The following CYYR1 variants were observed in gnomAD, a reference collection of about 807,000 sequenced individuals.
CYYR1 encodes the protein cysteine and tyrosine-rich protein 1.
A neutral mutation model predicts 15.2 loss-of-function variants in CYYR1; 14 were observed. The observed-to-expected ratio is 0.92, with a 90% confidence interval of 0.61 to 1.44. The LOEUF is 1.44. CYYR1 is among the 40% of genes most tolerant of loss of function. CYYR1 has a pLI of 0.00. For synonymous variants in CYYR1, 80 were observed against 77.4 expected (o/e 1.03, Z -0.18); for missense variants, 228 against 209.5 (o/e 1.09, Z -0.54).
At chr21:26,540,091 C>T (rs1231583623) in intron 2 of CYYR1, among the ~76,000 whole-genome samples, 5 of 152,116 alleles carry the variant, frequency 3.3e-5, no homozygotes, top group African/African-American at 7.2e-5. Context: ...TCAGCATTTT[C>T]GTTTAAGACA....
chr21:26,525,005 T>C (rs1052094485), intron 2 of CYYR1, among the ~76,000 whole-genome samples: 1 of 152,008 alleles, frequency 6.6e-6, no homozygotes, highest in Non-Finnish European at 1.5e-5. Flanking sequence ...GGAATGGGAG[T>C]TGTAGAACAT....
intron 2 of CYYR1, chr21:26,564,779 T>G (rs1320768252): frequency 2.4e-6 from 3 of 1,244,742 alleles, no homozygotes; most frequent in Admixed American, 4.7e-5. Flanking sequence ...CAGTTTGACT[T>G]CACATTCTCC....
chr21:26,559,171 GTAT>G (rs1980021207), intron 2 of CYYR1, among the ~76,000 whole-genome samples: 1 of 152,096 alleles, frequency 6.6e-6, no homozygotes, highest in African/African-American at 2.4e-5. Context: ...GTATGAGACG[GTAT>G]TTCAATGTTT....
chr21:26,561,379 G>C (rs1980187781), intron 2 of CYYR1, among the ~76,000 whole-genome samples: 1 of 151,130 alleles, frequency 6.6e-6, no homozygotes, highest in South Asian at 2.1e-4. Context: ...TGTTTGAATA[G>C]CCTTACCTGA....
At chr21:26,514,510 A>T (rs2065694513) in intron 2 of CYYR1, among the ~76,000 whole-genome samples, 1 of 152,190 alleles carries the variant, frequency 6.6e-6, no homozygotes, top group African/African-American at 2.4e-5. Context: ...TCAGAAGCAG[A>T]TGCTGCTGTC....
At chr21:26,489,685 G>A (rs1331870433) in intron 2 of CYYR1, among the ~76,000 whole-genome samples, 1 of 152,040 alleles carries the variant, frequency 6.6e-6, no homozygotes, top group Non-Finnish European at 1.5e-5. Flanking sequence ...CATACTATAT[G>A]TCAAAATCTA....
intron 2 of CYYR1, among the ~76,000 whole-genome samples, chr21:26,553,206 G>C (rs1445650040): frequency 6.6e-6 from 1 of 152,090 alleles, no homozygotes. Context: ...AGAAAATGAA[G>C]TCATTCAAAT....
chr21:26,529,056 C>G (rs1004454517), intron 2 of CYYR1, among the ~76,000 whole-genome samples: 1 of 152,180 alleles, frequency 6.6e-6, no homozygotes, highest in Middle Eastern at 3.2e-3. Flanking sequence ...TGTGATGACT[C>G]TTACACTGAT....
chr21:26,544,042 A>T (rs1978774414), intron 2 of CYYR1, among the ~76,000 whole-genome samples: 1 of 152,232 alleles, frequency 6.6e-6, no homozygotes, highest in Non-Finnish European at 1.5e-5. Flanking sequence ...GATAAGGGAG[A>T]TTGGACATTA....
chr21:26,555,877 T>C (rs1049796224), intron 2 of CYYR1, among the ~76,000 whole-genome samples: 6 of 152,110 alleles, frequency 3.9e-5, no homozygotes, highest in African/African-American at 1.4e-4. Flanking sequence ...TCTTCCCTCC[T>C]CAATTTTATC....
intron 2 of CYYR1, among the ~76,000 whole-genome samples, chr21:26,539,109 A>G (rs999749632): frequency 2.6e-5 from 4 of 152,140 alleles, no homozygotes; most frequent in Non-Finnish European, 4.4e-5. Flanking sequence ...TTTGTTGCCT[A>G]TACTCAAAGA....
intron 2 of CYYR1, among the ~76,000 whole-genome samples, chr21:26,505,229 T>G (rs1024756602): frequency 1.3e-5 from 2 of 152,228 alleles, no homozygotes; most frequent in African/African-American, 4.8e-5. Flanking sequence ...TTCCATATGA[T>G]GCCTCATGGT....
chr21:26,564,393 T>G (rs1569180076), intron 2 of CYYR1, among the ~76,000 whole-genome samples: 3 of 152,166 alleles, frequency 2.0e-5, no homozygotes, highest in Admixed American at 1.3e-4. Context: ...TATAACTGCC[T>G]GAAATATGAT....
At chr21:26,523,617 T>C (rs1005809769) in intron 2 of CYYR1, among the ~76,000 whole-genome samples, 1 of 152,192 alleles carries the variant, frequency 6.6e-6, no homozygotes, top group Admixed American at 6.6e-5. Flanking sequence ...CACTCCAGTG[T>C]TCTTCCTGTT....
chr21:26,495,808 T>C (rs1438178894), intron 2 of CYYR1, among the ~76,000 whole-genome samples: 1 of 152,244 alleles, frequency 6.6e-6, no homozygotes, highest in Non-Finnish European at 1.5e-5. Flanking sequence ...GGATATGGAT[T>C]CCAGAATCTT....
At chr21:26,472,187 CAA>C (rs1287131393) in intron 3 of CYYR1, among the ~76,000 whole-genome samples, 2 of 152,188 alleles carry the variant, frequency 1.3e-5, no homozygotes, top group African/African-American at 4.8e-5. Context: ...TATTACAATG[CAA>C]GTCTTTTCAT....
chr21:26,513,322 C>T (rs1434558685), intron 2 of CYYR1, among the ~76,000 whole-genome samples: 1 of 152,084 alleles, frequency 6.6e-6, no homozygotes. Context: ...CATCTTTGTA[C>T]CTCTAAGAAT....
intron 2 of CYYR1, among the ~76,000 whole-genome samples, chr21:26,546,067 T>A (rs187914829): frequency 9.2e-5 from 14 of 152,300 alleles, no homozygotes; most frequent in Non-Finnish European, 1.8e-4. Flanking sequence ...TGACTACAAC[T>A]TTGTGGTATC....
chr21:26,503,352 CTACTT>C, intron 2 of CYYR1, among the ~76,000 whole-genome samples: 1 of 151,990 alleles, frequency 6.6e-6, no homozygotes, highest in Non-Finnish European at 1.5e-5. Context: ...AATAAAAACT[CTACTT>C]AAACAGTATA....
Sources: gnomAD v4.1 joint callset for allele counts (sites outside exome capture counted in the v4.1 genomes callset) on GRCh38, gnomAD v4.1.1 for gene constraint, MANE v1.5 for transcripts, NCBI Gene and HGNC (gene_info 2026-07-23, HGNC 2026-07-21) for gene names.